TSPEAR: variants seen among roughly 807,000 people sequenced by gnomAD.
TSPEAR encodes thrombospondin-type laminin G domain and EAR repeat-containing protein.
In TSPEAR, 69 loss-of-function variants were observed where a neutral mutation model predicts 71.6. The observed-to-expected ratio is 0.96, with a 90% CI of 0.79 to 1.18. The LOEUF is 1.18. Ranked by LOEUF, TSPEAR falls within the 50% of genes most tolerant of loss-of-function variation. The pLI is 0.00. For synonymous variants in TSPEAR, 402 were observed against 387.2 expected (o/e 1.04, Z -0.45); for missense variants, 971 against 894.9 (o/e 1.09, Z -1.09).
chr21:44,637,887 A>G lies in TSPEAR; in HGVS notation c.83-69882T>C, dbSNP rs138406502. On this transcript the variant is annotated intron_variant, in intron 1 of 11. Coordinates refer to ENST00000323084, the MANE Select transcript of TSPEAR (RefSeq NM_144991.3). ...CCTGTCTGCTCTAAGTCCGTCTGCT[A>G]TGTGCCTGTGTGCTCTGGGGCTTCC... 730 of 1,533,866 alleles carry G rather than the reference A, an allele frequency of 4.8e-4. 13 individuals carry two copies. In the South Asian group the frequency reaches 7.6e-3, roughly 16 times the overall value.
chr21:44,606,535 T>G (rs1380330524), intron 1 of TSPEAR, among the ~76,000 whole-genome samples: 1 of 152,220 alleles, frequency 6.6e-6, no homozygotes, highest in Non-Finnish European at 1.5e-5. Context: ...ATATCTAAAA[T>G]AACTGAAATC....
At chr21:44,592,834 C>T (rs782042461) in intron 1 of TSPEAR, among the ~76,000 whole-genome samples, 4 of 152,282 alleles carry the variant, frequency 2.6e-5, no homozygotes, top group Middle Eastern at 6.8e-3. Context: ...TGCAGGAAGC[C>T]GGCCTCAGGA....
At position 44,506,933 on chromosome 21, in the gene TSPEAR, A is replaced by G. The variant is rs2052216419; in HGVS notation, c.1755-2052T>C. Reference sequence around the variant, plus strand: ...TGCCTCCAAAGCAGCCCTGGGTCACACTCGCTGTAGGACAGATGTTATTCT... The same window carrying G: ...TGCCTCCAAAGCAGCCCTGGGTCACGCTCGCTGTAGGACAGATGTTATTCT... On this transcript the variant is annotated intron_variant, in intron 10 of 11. Transcript: ENST00000323084. This position sits in a 1 kb window ranked among gnomAD's most constrained non-coding sequence, Gnocchi z 4.2. 1 of 152,152 alleles carries G rather than the reference A, an allele frequency of 6.6e-6. No homozygotes were observed. The highest frequency in any genetic ancestry group is 1.5e-5 in the Non-Finnish European group (1 of 68,038). The allele number at this position is 152,152 out of a possible 1,614,324, so 9.4% of individuals were successfully genotyped here.
intron 1 of TSPEAR, among the ~76,000 whole-genome samples, chr21:44,688,268 G>C (rs1194800722): frequency 6.8e-6 from 1 of 146,628 alleles, no homozygotes; most frequent in Non-Finnish European, 1.5e-5. Context: ...AAATGTCCCA[G>C]AAGCAGCAGG....
At chr21:44,643,493 C>T (rs1555938911) in intron 1 of TSPEAR, among the ~76,000 whole-genome samples, 1 of 152,156 alleles carries the variant, frequency 6.6e-6, no homozygotes, top group Non-Finnish European at 1.5e-5. Context: ...ACAATGTGTA[C>T]ATGTATCAAG....
chr21:44,506,136 GT>G lies in TSPEAR; in HGVS notation c.1755-1256del, dbSNP rs1273999494. Among the ~76,000 whole-genome samples, 1 of 152,234 alleles carries G rather than the reference GT, an allele frequency of 6.6e-6. No individual in the cohort carries two copies. The highest frequency in any genetic ancestry group is 1.5e-5 in the Non-Finnish European group (1 of 68,032). On this transcript the variant is annotated intron_variant, in intron 10 of 11. Transcript: ENST00000323084. The surrounding 1 kb of genome is among the most constrained non-coding windows in gnomAD (Gnocchi z 4.2). Reference sequence around the variant, plus strand: ...AGATGTTCTCCTAGAAGCAGAAGCTGTTTCTTGTTGCAAACAAATTTGCTGT... The same window carrying G: ...AGATGTTCTCCTAGAAGCAGAAGCTGTTCTTGTTGCAAACAAATTTGCTGT...
intron 1 of TSPEAR, among the ~76,000 whole-genome samples, chr21:44,709,003 C>A (rs1263896389): frequency 6.6e-6 from 1 of 152,230 alleles, no homozygotes; most frequent in Non-Finnish European, 1.5e-5. Flanking sequence ...CGGTCCCCAC[C>A]GCTGACGGTT....
Position 44,533,886 on chromosome 21 carries a change from C to A in TSPEAR, c.341G>T (p.Ser114Ile). The A allele has an allele frequency of 1.2e-6, 2 of 1,611,950 alleles. No homozygotes were observed. Among genetic ancestry groups the A allele is most frequent in the Non-Finnish European group, 1.7e-6 (2 of 1,179,758 alleles). Reference sequence around the variant, plus strand: ...CCGCAGGCCGAGCAGCAGCAGGTCGCTCTCCTCTGCCACCACCGTCAGCAG... The same window carrying A: ...CCGCAGGCCGAGCAGCAGCAGGTCGATCTCCTCTGCCACCACCGTCAGCAG... ...EYLLTVVAEE[S>I]DLLLLGLRLS... The change falls in exon 3 of 12, where the codon AGC becomes ATC. Residue 114 changes from serine to isoleucine, a missense_variant. Ser to Ile is a moderately radical substitution (Grantham distance 142). Coordinates refer to ENST00000323084, the MANE Select transcript of TSPEAR (RefSeq NM_144991.3).
At chr21:44,601,507 G>A in intron 1 of TSPEAR, 1 of 1,613,122 alleles carries the variant, frequency 6.2e-7, no homozygotes, top group Non-Finnish European at 8.5e-7. Context: ...CTGCCAGCCG[G>A]CTTGCTGCAC....
At position 44,612,285 on chromosome 21, in the gene TSPEAR, C is replaced by T. The variant is rs781983764; in HGVS notation, c.83-44280G>A. On this transcript the variant is annotated intron_variant, in intron 1 of 11. Coordinates refer to ENST00000323084, the MANE Select transcript of TSPEAR (RefSeq NM_144991.3). This position sits in a 1 kb window ranked among gnomAD's most constrained non-coding sequence, Gnocchi z 4.1. ...CGCTCCTGTGCCTCCAGCTGCTGTA[C>T]CCCTAGCTGCTGTGCCCCAGCCCCC... The T allele has an allele frequency of 1.9e-6, 3 of 1,613,410 alleles. No individual in the cohort carries two copies. The highest frequency in any genetic ancestry group is 2.5e-6 in the Non-Finnish European group (3 of 1,179,998).
At chr21:44,706,564 T>G (rs743500) in intron 1 of TSPEAR, among the ~76,000 whole-genome samples, 1 of 152,152 alleles carries the variant, frequency 6.6e-6, no homozygotes, top group African/African-American at 2.4e-5. Context: ...CACGCAGCAC[T>G]CGCTAAACGC....
chr21:44,542,890 G>T (rs1364346056), intron 2 of TSPEAR, among the ~76,000 whole-genome samples: 4 of 152,014 alleles, frequency 2.6e-5, no homozygotes, highest in African/African-American at 9.7e-5. Context: ...TTTAAAAACA[G>T]CCAGAGGAAA....
In TSPEAR at chr21:44,527,348, GAT is replaced by G; in HGVS notation, c.1091_1092del (p.Tyr364SerfsTer26). The G allele has an allele frequency of 1.9e-6, 3 of 1,614,226 alleles. No individual in the cohort carries two copies. Among genetic ancestry groups the G allele is most frequent in the Non-Finnish European group, 2.5e-6 (3 of 1,180,058 alleles). ...YKWTEEKFVSYQNIPTHQAQA... is the reference protein window; with the variant it reads ...YKWTEEKFVSXQNIPTHQAQA... ...TGTGCTTGGTGCGTGGGGATGTTCT[GAT>G]ATGAGACGAACTTCTCTTCGGTCCA... On this transcript the variant is annotated frameshift_variant, in exon 7 of 12. Transcript: ENST00000323084. LOFTEE classifies it high-confidence loss of function.
At chr21:44,686,964 C>T (rs370957077) in intron 1 of TSPEAR, among the ~76,000 whole-genome samples, 7 of 152,264 alleles carry the variant, frequency 4.6e-5, no homozygotes, top group East Asian at 3.9e-4. Flanking sequence ...CCTGGGATGT[C>T]GGGAAGACGC....
rs56054652 is a variant in TSPEAR at position 44,635,345 on chromosome 21, C to CAAAAA, written c.83-67345_83-67341dup. 1.5e-3 allele frequency among the ~76,000 whole-genome samples: 125 copies of CAAAAA among 83,768 alleles called. 4 individuals are homozygous for CAAAAA. The highest frequency in any genetic ancestry group is 5.0e-3 in the African/African-American group (103 of 20,492). 55.0% of individuals were successfully genotyped at this position (83,768 alleles called of 152,430 possible). On this transcript the variant is annotated intron_variant, in intron 1 of 11. Coordinates refer to ENST00000323084, the MANE Select transcript of TSPEAR (RefSeq NM_144991.3). ...TGGGTGACAGAGGGAGACTCTGTCT[C>CAAAAA]AAAAAAAAAAAAAAAAAAAAAGAAT...
In TSPEAR at chr21:44,498,924, C is replaced by T. The variant is rs2051976979; in HGVS notation, c.*859G>A. ...CTGCCTGTGACGGACAGACAAGCAG[C>T]TCTCCCAGCTGCAGAGACAAGATGA... On this transcript the variant is annotated 3_prime_UTR_variant, in exon 12 of 12. Coordinates refer to ENST00000323084, the MANE Select transcript of TSPEAR (RefSeq NM_144991.3). 6.6e-6 allele frequency: 1 copy of T among 152,374 alleles called. No individual in the cohort carries two copies. Among genetic ancestry groups the T allele is most frequent in the Non-Finnish European group, 1.5e-5 (1 of 68,146 alleles). The allele number at this position is 152,374 out of a possible 1,614,324, so 9.4% of individuals were successfully genotyped here. A position where few individuals can be genotyped will look rare whatever the true frequency, so the allele number is the denominator to read the frequency against.
In TSPEAR at chr21:44,506,014, GT is replaced by G. The variant is rs1264748746; in HGVS notation, c.1755-1134del. 6.6e-6 allele frequency among the ~76,000 whole-genome samples: 1 copy of G among 152,222 alleles called. No individual in the cohort carries two copies. Among genetic ancestry groups the G allele is most frequent in the Non-Finnish European group, 1.5e-5 (1 of 68,052 alleles). ...CACAGTGCTGTGGCCTCTGTGCCTG[GT>G]TTCTTCTCTCAGCATTGTGTCTTCA... On this transcript the variant is annotated intron_variant, in intron 10 of 11. Coordinates refer to ENST00000323084, the MANE Select transcript of TSPEAR (RefSeq NM_144991.3). This position sits in a 1 kb window ranked among gnomAD's most constrained non-coding sequence, Gnocchi z 4.2.
At chr21:44,548,494 G>A (rs2053341005) in intron 2 of TSPEAR, among the ~76,000 whole-genome samples, 1 of 152,224 alleles carries the variant, frequency 6.6e-6, no homozygotes, top group Non-Finnish European at 1.5e-5. Context: ...GGGAAGTGAT[G>A]GCGGAGGAAG....
At chr21:44,653,375 G>C (rs587776258) in intron 1 of TSPEAR, among the ~76,000 whole-genome samples, 16 of 152,078 alleles carry the variant, frequency 1.1e-4, no homozygotes, top group Non-Finnish European at 1.9e-4. Flanking sequence ...GCTGAAACCC[G>C]GGGCGGAGCC....
Sources: gnomAD v4.1 joint callset for allele counts (sites outside exome capture counted in the v4.1 genomes callset) on GRCh38, gnomAD v4.1.1 for gene constraint, Gnocchi (gnomAD v3.1) non-coding constraint, MANE v1.5 for transcripts, NCBI Gene and HGNC (gene_info 2026-07-23, HGNC 2026-07-21) for gene names.